Variants in KIAA1328 observed in about 807,000 individuals in gnomAD.
The protein encoded by KIAA1328 is KIAA1328, also known as protein hinderin.
KIAA1328 carries 52 observed loss-of-function variants against 68.1 expected under a neutral mutation model. The observed-to-expected ratio is 0.76, with a 90% CI of 0.61 to 0.96. The LOEUF is 0.96. Among genes scored for constraint, KIAA1328 ranks in the 40% least tolerant of loss-of-function variants. KIAA1328 has a pLI of 0.00. For missense variants in KIAA1328, 641 were observed against 677.6 expected (o/e 0.95, Z 0.60); for synonymous variants, 232 against 239.4 (o/e 0.97, Z 0.28).
intron 5 of KIAA1328, among the ~76,000 whole-genome samples, chr18:36,926,981 G>A (rs755874968): frequency 6.6e-6 from 1 of 152,130 alleles, no homozygotes; most frequent in Non-Finnish European, 1.5e-5. Flanking sequence ...ACAATGGGGA[G>A]GTCCCAAACT....
At chr18:37,153,423 A>T (rs758100459) in intron 7 of KIAA1328, among the ~76,000 whole-genome samples, 9 of 152,016 alleles carry the variant, frequency 5.9e-5, no homozygotes, top group African/African-American at 1.9e-4. Flanking sequence ...TGGAGAAAGG[A>T]TATATCTATG....
intron 5 of KIAA1328, among the ~76,000 whole-genome samples, chr18:36,957,607 T>C (rs756148446): frequency 3.9e-5 from 6 of 152,130 alleles, no homozygotes; most frequent in Non-Finnish European, 5.9e-5. Context: ...TAGGGAGGTA[T>C]GTGTTCAGAA....
chr18:36,878,720 T>G (rs186553054), intron 4 of KIAA1328, among the ~76,000 whole-genome samples: 5 of 152,210 alleles, frequency 3.3e-5, no homozygotes, highest in African/African-American at 1.2e-4. Flanking sequence ...TTCTTTTCAT[T>G]CTTTTTTTCT....
At chr18:37,228,078 A>T (rs151187291), downstream of KIAA1328, among the ~76,000 whole-genome samples, 51 of 152,338 alleles carry the variant, frequency 3.3e-4, no homozygotes, top group African/African-American at 1.2e-3. Flanking sequence ...TGTGGTGGAA[A>T]TAGCAAGAGA....
intron 4 of KIAA1328, among the ~76,000 whole-genome samples, chr18:36,866,900 A>G (rs1368752286): frequency 6.6e-6 from 1 of 152,240 alleles, no homozygotes; most frequent in East Asian, 1.9e-4. Context: ...ATACTTAAAG[A>G]GTTTCAACTG....
chr18:36,919,658 C>T (rs1021304296), intron 5 of KIAA1328, among the ~76,000 whole-genome samples: 2 of 152,170 alleles, frequency 1.3e-5, no homozygotes. Flanking sequence ...AACTGCTTTC[C>T]ACAGTGGCTG....
chr18:36,910,511 T>C (rs187099708), intron 5 of KIAA1328, among the ~76,000 whole-genome samples: 1 of 152,304 alleles, frequency 6.6e-6, no homozygotes, highest in East Asian at 1.9e-4. Context: ...ACCATGCTGT[T>C]TGGGTTACTG....
chr18:36,855,606 T>C (rs1468644420), intron 4 of KIAA1328, among the ~76,000 whole-genome samples: 2 of 152,018 alleles, frequency 1.3e-5, no homozygotes, highest in Non-Finnish European at 2.9e-5. Flanking sequence ...GGGTTTTCTT[T>C]TCAGTTTCTT....
intron 4 of KIAA1328, among the ~76,000 whole-genome samples, chr18:36,875,801 G>C (rs2048102399): frequency 6.6e-6 from 1 of 152,140 alleles, no homozygotes; most frequent in African/African-American, 2.4e-5. Flanking sequence ...ATTGGCTATG[G>C]GTTTGTCATA....
chr18:37,151,895 C>G (rs1433309889), intron 7 of KIAA1328, among the ~76,000 whole-genome samples: 1 of 151,940 alleles, frequency 6.6e-6, no homozygotes, highest in East Asian at 1.9e-4. Flanking sequence ...GGGAACTGCA[C>G]TGGTGTTGTG....
intron 6 of KIAA1328, among the ~76,000 whole-genome samples, chr18:36,964,911 A>C (rs2051855013): frequency 6.6e-6 from 1 of 150,460 alleles, no homozygotes; most frequent in Non-Finnish European, 1.5e-5. Flanking sequence ...TTTGGAATCT[A>C]AACTTAGTGT....
chr18:36,952,593 A>C (rs1320481178), intron 5 of KIAA1328, among the ~76,000 whole-genome samples: 1 of 152,192 alleles, frequency 6.6e-6, no homozygotes, highest in African/African-American at 2.4e-5. Flanking sequence ...CAGAGTTACG[A>C]TTTGAGCCAA....
At chr18:36,962,572 T>A (rs938171011) in intron 6 of KIAA1328, among the ~76,000 whole-genome samples, 2 of 152,182 alleles carry the variant, frequency 1.3e-5, no homozygotes, top group South Asian at 2.1e-4. Context: ...TAATTGGAAG[T>A]AAAGCACTCC....
chr18:36,843,817 T>C (rs2046937935), intron 3 of KIAA1328, among the ~76,000 whole-genome samples: 2 of 152,156 alleles, frequency 1.3e-5, no homozygotes, highest in African/African-American at 2.4e-5. Context: ...TTTGAATGCT[T>C]AGTAACTGGT....
At chr18:36,998,187 C>T (rs1341234648) in intron 6 of KIAA1328, among the ~76,000 whole-genome samples, 1 of 152,108 alleles carries the variant, frequency 6.6e-6, no homozygotes, top group Non-Finnish European at 1.5e-5. Flanking sequence ...GGGGGTTGCC[C>T]AACCCAATCC....
chr18:36,900,124 C>A (rs1408809967), intron 5 of KIAA1328, among the ~76,000 whole-genome samples: 1 of 151,880 alleles, frequency 6.6e-6, no homozygotes, highest in African/African-American at 2.4e-5. Context: ...AAAAAACAAA[C>A]CATGTGCCAA....
chr18:37,156,065 A>G (rs776976611), intron 7 of KIAA1328, among the ~76,000 whole-genome samples: 5 of 152,038 alleles, frequency 3.3e-5, no homozygotes, highest in Non-Finnish European at 5.9e-5. Context: ...GGTATTAAAA[A>G]TTCTGTTTCC....
At chr18:37,193,689 A>G (rs1448052359) in intron 9 of KIAA1328, 1 of 699,130 alleles carries the variant, frequency 1.4e-6, no homozygotes, top group South Asian at 1.5e-5. Flanking sequence ...GAAGGAACCT[A>G]TTAAGGTATT....
chr18:37,118,355 C>G (rs993584867), intron 7 of KIAA1328, among the ~76,000 whole-genome samples: 1 of 152,150 alleles, frequency 6.6e-6, no homozygotes, highest in Non-Finnish European at 1.5e-5. Context: ...AGCACCTCAG[C>G]TGGTCATGGT....
Sources: allele counts gnomAD v4.1 joint callset (sites outside exome capture counted in the v4.1 genomes callset), GRCh38; gene constraint gnomAD v4.1.1; transcripts MANE v1.5; gene names NCBI Gene and HGNC (gene_info 2026-07-23, HGNC 2026-07-21).